The following CYB5R1 variants were observed in gnomAD, a reference collection of about 807,000 sequenced individuals.
The protein encoded by CYB5R1 is cytochrome b5 reductase 1.
A neutral mutation model predicts 37.4 loss-of-function variants in CYB5R1; 32 were observed. The observed-to-expected ratio is 0.86, with a 90% confidence interval of 0.65 to 1.15. CYB5R1 has a LOEUF of 1.15. Among genes scored for constraint, CYB5R1 ranks in the 50% most tolerant of loss-of-function variants. The pLI is 0.00. For synonymous variants in CYB5R1, 159 were observed against 155.2 expected (o/e 1.02, Z -0.18); for missense variants, 345 against 382.5 (o/e 0.90, Z 0.82).
At position 202,963,642 on chromosome 1, in the gene CYB5R1, C is replaced by T; in HGVS notation, c.645G>A (p.Gln215=). The stretch of plus-strand genomic sequence containing the variant: ...TTAGGGTGGAGGAAAACAAACCAAC[C>T]TGGTTGGCAAAAAGCAGAAAGCACT... ...PTQCFLLFAN[Q]TEKDIILRED... The change falls in exon 7 of 9, where the codon CAG becomes CAA. Residue 215 remains glutamine (Q), a splice_region_variant and synonymous_variant. Coordinates refer to ENST00000367249, the MANE Select transcript of CYB5R1 (RefSeq NM_016243.3). 3 of 1,603,108 alleles carry T rather than the reference C, an allele frequency of 1.9e-6. No individual in the cohort carries two copies. Among genetic ancestry groups the T allele is most frequent in the South Asian group, 2.2e-5 (2 of 89,210 alleles).
intron 5 of CYB5R1, chr1:202,965,091 A>T: frequency 2.5e-6 from 1 of 405,012 alleles, no homozygotes; most frequent in Non-Finnish European, 4.4e-6. Context: ...CAGCTCACCC[A>T]GGGGGGCAAA....
intron 5 of CYB5R1, 54 bp downstream of exon 5, chr1:202,965,317 A>T (rs540514894): frequency 6.6e-7 from 1 of 1,521,580 alleles, no homozygotes; most frequent in East Asian, 2.4e-5. Context: ...TGCCAAGAGG[A>T]CTATGGGAAC....
chr1:202,962,833 T>A, intron 8 of CYB5R1, 134 bp from the exon 9 acceptor site: 1 of 1,153,704 alleles, frequency 8.7e-7, no homozygotes, highest in Non-Finnish European at 1.3e-6. Context: ...TGGGAATGGG[T>A]ATACTCAGCC....
At chr1:202,964,749 T>C in intron 5 of CYB5R1, 54 bp from the exon 6 acceptor site, 1 of 1,321,236 alleles carries the variant, frequency 7.6e-7, no homozygotes, top group South Asian at 1.2e-5. Context: ...ACAGCGAACT[T>C]AGAAAACAAA....
rs182724504 is a variant in CYB5R1, at chr1:202,963,479, G to A, written c.645+163C>T. On this transcript the variant is annotated intron_variant, in intron 7 of 8. Transcript: ENST00000367249. ...GGGAAGGAATTTGATTCAGTGCTCT[G>A]TCCTTTTCCTCCTTATTGAAAGAGG... 4 of 613,050 alleles carry A rather than the reference G, an allele frequency of 6.5e-6. No individual in the cohort carries two copies. The East Asian group carries it at 1.1e-4, about 17-fold the overall frequency. The allele number at this position is 613,050 out of a possible 1,614,324, so 38.0% of individuals were successfully genotyped here.
intron 3 of CYB5R1, 184 bp from the exon 4 acceptor site, chr1:202,966,177 A>C (rs1164656622): frequency 6.6e-6 from 4 of 603,872 alleles, no homozygotes; most frequent in African/African-American, 1.9e-5. Context: ...CCAGTTGAGG[A>C]AACACTTATT....
In CYB5R1 at chr1:202,962,254, CCCTT is replaced by C; in HGVS notation, c.*269_*272del. ...CAATCTTGGACCAAGCGTACATGCT[CCCTT>C]CCTTCTTACTCCATGGAAGAGACTG... is the stretch of plus-strand genomic sequence containing the variant. On this transcript the variant is annotated 3_prime_UTR_variant, in exon 9 of 9. Transcript: ENST00000367249. The C allele has an allele frequency of 2.6e-6, 1 of 390,580 alleles. No homozygotes were observed. Among genetic ancestry groups the C allele is most frequent in the Non-Finnish European group, 4.5e-6 (1 of 220,184 alleles). 24.2% of individuals were successfully genotyped at this position (390,580 alleles called of 1,614,324 possible).
chr1:202,963,889 A>G, intron 6 of CYB5R1, 162 bp from the exon 7 acceptor site: 1 of 456,740 alleles, frequency 2.2e-6, no homozygotes, highest in East Asian at 3.5e-5. Flanking sequence ...ATATTCTCCA[A>G]CATCTGTATT....
At chr1:202,965,648 T>TGAGTCAGAG in intron 4 of CYB5R1, 148 bp from the exon 5 acceptor site, 2 of 1,057,642 alleles carry the variant, frequency 1.9e-6, no homozygotes, top group Non-Finnish European at 1.3e-6. Flanking sequence ...TTTTTTTTTT[T>TGAGTCAGAG]TGAGTCAGAG....
At chr1:202,965,536 T>C (rs759156257) in intron 4 of CYB5R1, 36 bp from the exon 5 acceptor site, 1 of 1,550,782 alleles carries the variant, frequency 6.4e-7, no homozygotes, top group East Asian at 2.4e-5. Context: ...TTATTTGGAA[T>C]GTCACTGGTT....
In CYB5R1 at chr1:202,962,706, T is replaced by C. The variant is rs2232855; in HGVS notation, c.746-7A>G. The C allele has an allele frequency of 5.5e-3, 8,842 of 1,613,724 alleles. 417 individuals are homozygous for C. The African/African-American group carries it at 0.1, about 19-fold the overall frequency. ...CCCTTGCTGTAGGCCCAATCTGAAG[T>C]ATGGGGAGAAGAAAGTACTTAATAC... On this transcript the variant is annotated splice_polypyrimidine_tract_variant and splice_region_variant and intron_variant, in intron 8 of 8. Coordinates refer to ENST00000367249, the MANE Select transcript of CYB5R1 (RefSeq NM_016243.3).
At chr1:202,965,182 A>G in intron 5 of CYB5R1, 189 bp downstream of exon 5, 3 of 623,502 alleles carry the variant, frequency 4.8e-6, no homozygotes, top group Non-Finnish European at 8.1e-6. Flanking sequence ...CAAGTGGAGG[A>G]GGAACTGCTT....
chr1:202,962,248 C>A lies in CYB5R1; in HGVS notation c.*279G>T. The A allele has an allele frequency of 2.7e-6, 1 of 377,196 alleles. No homozygotes were observed. Among genetic ancestry groups the A allele is most frequent in the Non-Finnish European group, 4.7e-6 (1 of 211,780 alleles). The allele number at this position is 377,196 out of a possible 1,614,324, so 23.4% of individuals were successfully genotyped here. A position where few individuals can be genotyped will look rare whatever the true frequency, so the allele number is the denominator to read the frequency against. On this transcript the variant is annotated 3_prime_UTR_variant, in exon 9 of 9. Coordinates refer to ENST00000367249, the MANE Select transcript of CYB5R1 (RefSeq NM_016243.3). Reference sequence around the variant, plus strand: ...ACTAGCCAATCTTGGACCAAGCGTACATGCTCCCTTCCTTCTTACTCCATG... The same window carrying A: ...ACTAGCCAATCTTGGACCAAGCGTAAATGCTCCCTTCCTTCTTACTCCATG...
chr1:202,966,275 C>A (rs1215166048), intron 3 of CYB5R1: 11 of 599,558 alleles, frequency 1.8e-5, no homozygotes, highest in Non-Finnish European at 2.7e-5. Context: ...AGTGCTTGCT[C>A]AGAGGGAGTA....
At position 202,963,700 on chromosome 1, in the gene CYB5R1, C is replaced by G; in HGVS notation, c.587G>C (p.Arg196Pro). Residue 196 changes from arginine (R) to proline (P), a missense_variant, in exon 7 of 9, where the codon CGG (arginine) becomes CCG (proline). By Grantham distance (103) the Arg-to-Pro change is moderately radical (BLOSUM62 -2). Transcript: ENST00000367249. ...ATCTTCAGGGACTTTCAGGATGGCCCGGATCAGCTGTAGCATTGGGGTGAT... is the reference window on the plus strand; with the variant it reads ...ATCTTCAGGGACTTTCAGGATGGCCGGGATCAGCTGTAGCATTGGGGTGAT... ...TGITPMLQLIRAILKVPEDPT... is the reference protein window; with the variant it reads ...TGITPMLQLIPAILKVPEDPT... 1.9e-6 allele frequency: 3 copies of G among 1,609,950 alleles called. No homozygotes were observed. Among genetic ancestry groups the G allele is most frequent in the Non-Finnish European group, 2.5e-6 (3 of 1,177,908 alleles).
chr1:202,966,066 T>G, intron 3 of CYB5R1, 73 bp from the exon 4 acceptor site: 1 of 1,016,752 alleles, frequency 9.8e-7, no homozygotes, highest in East Asian at 2.5e-5. Flanking sequence ...TCAAAGAGAT[T>G]TGAGAGAACA....
Position 202,966,514 on chromosome 1 carries a change from C to A in CYB5R1, c.238+14G>T. 5 of 1,613,950 alleles carry A rather than the reference C, an allele frequency of 3.1e-6. No individual in the cohort carries two copies. In the South Asian group the frequency reaches 5.5e-5, roughly 18 times the overall value. ...GGATACCAGGGAAAGGAGCCCATTC[C>A]ACACTTTCCTTACCCACAGGCAGCC... On this transcript the variant is annotated intron_variant, in intron 3 of 8. Transcript: ENST00000367249.
chr1:202,965,709 T>G (rs1340758998), intron 4 of CYB5R1, among the ~76,000 whole-genome samples, 178 bp downstream of exon 4: 2 of 151,590 alleles, frequency 1.3e-5, no homozygotes, highest in African/African-American at 4.9e-5. Flanking sequence ...CTTGGCTCAC[T>G]GCAACCTCCG....
chr1:202,967,051 G>A (rs2102505171), intron 1 of CYB5R1, 140 bp downstream of exon 1: 2 of 1,426,294 alleles, frequency 1.4e-6, no homozygotes, highest in Admixed American at 2.2e-5. Context: ...CGGATGTGCG[G>A]GATCGGGACC....
Sources: allele counts gnomAD v4.1 joint callset (sites outside exome capture counted in the v4.1 genomes callset), GRCh38; gene constraint gnomAD v4.1.1; transcripts MANE v1.5; gene names NCBI Gene and HGNC (gene_info 2026-07-23, HGNC 2026-07-21).